The following PLA2G12A variants were observed in gnomAD, a reference collection of about 807,000 sequenced individuals.
PLA2G12A encodes phospholipase A2 group XIIA, also known as group XIIA secretory phospholipase A2.
A neutral mutation model predicts 16.0 loss-of-function variants in PLA2G12A; 11 were observed. The observed-to-expected ratio is 0.69, with a 90% CI of 0.43 to 1.13. The LOEUF is 1.13. PLA2G12A is among the 50% of genes most tolerant of loss of function. The pLI, the probability that PLA2G12A is intolerant of heterozygous loss-of-function variation, is 0.00. For missense variants in PLA2G12A, 214 were observed against 237.3 expected, an observed-to-expected ratio of 0.90 and a Z score of 0.65; for synonymous variants, 77 against 93.8, an observed-to-expected ratio of 0.82 and a Z score of 1.03.
chr4:109,714,957 T>TTTTA (rs143963959), intron 3 of PLA2G12A, among the ~76,000 whole-genome samples: 2 of 150,798 alleles, frequency 1.3e-5, no homozygotes, highest in East Asian at 3.9e-4. Context: ...ACCCAGCTAT[T>TTTTA]TTTGTTTGTT....
At chr4:109,716,324 C>T (rs749813544) in intron 3 of PLA2G12A, among the ~76,000 whole-genome samples, 1 of 152,210 alleles carries the variant, frequency 6.6e-6, no homozygotes, top group African/African-American at 2.4e-5. Flanking sequence ...GCTAAATGCT[C>T]ACTTGGGGCA....
At chr4:109,722,507 C>G (rs1722817622) in intron 1 of PLA2G12A, among the ~76,000 whole-genome samples, 1 of 152,210 alleles carries the variant, frequency 6.6e-6, no homozygotes, top group Admixed American at 6.5e-5. Context: ...AGCTGCCCTG[C>G]CCCATCCATC....
chr4:109,725,418 A>T (rs1440617384), intron 1 of PLA2G12A, among the ~76,000 whole-genome samples: 1 of 152,250 alleles, frequency 6.6e-6, no homozygotes, highest in African/African-American at 2.4e-5. Flanking sequence ...AGTTTTATAA[A>T]TGGCTAAGCA....
chr4:109,720,924 T>TGTATA (rs1730929463), intron 1 of PLA2G12A, among the ~76,000 whole-genome samples: 1 of 151,752 alleles, frequency 6.6e-6, no homozygotes, highest in African/African-American at 2.4e-5. Context: ...CAAAATTAGC[T>TGTATA]GGGCAATGTG....
rs184325634 is a variant in PLA2G12A, at chr4:109,729,148, A to G, written c.208+454T>C. 4.3e-4 allele frequency among the ~76,000 whole-genome samples: 65 copies of G among 152,092 alleles called. 2 individuals are homozygous for G. The highest frequency in any genetic ancestry group is 2.2e-3 in the Admixed American group (34 of 15,270). ...CAAGTTATTGTCTATGGGTTTGCAG[A>G]AAAAAAACCATTTAATATCAATTAT... is the stretch of plus-strand genomic sequence containing the variant. On this transcript the variant is annotated intron_variant, in intron 1 of 3. Coordinates refer to ENST00000243501, the MANE Select transcript of PLA2G12A (RefSeq NM_030821.5).
chr4:109,719,494 G>A (rs915904042), intron 1 of PLA2G12A, among the ~76,000 whole-genome samples: 1 of 152,166 alleles, frequency 6.6e-6, no homozygotes, highest in Non-Finnish European at 1.5e-5. Context: ...ATGTTCCCCA[G>A]TAGCATCAAG....
At chr4:109,726,948 A>C (rs1722953245) in intron 1 of PLA2G12A, among the ~76,000 whole-genome samples, 1 of 144,346 alleles carries the variant, frequency 6.9e-6, no homozygotes, top group African/African-American at 2.8e-5. Context: ...TTTTTTTTTA[A>C]AGCTCTCTTG....
chr4:109,719,494 G>GT (rs1455400868), intron 1 of PLA2G12A, among the ~76,000 whole-genome samples: 1 of 152,166 alleles, frequency 6.6e-6, no homozygotes, highest in Non-Finnish European at 1.5e-5. Context: ...ATGTTCCCCA[G>GT]TAGCATCAAG....
intron 3 of PLA2G12A, among the ~76,000 whole-genome samples, chr4:109,716,017 A>C (rs1730822991): frequency 6.6e-6 from 1 of 152,242 alleles, no homozygotes; most frequent in Non-Finnish European, 1.5e-5. Context: ...TGCCATTAAG[A>C]AACAACCAAC....
chr4:109,717,040 C>T (rs1179004843), intron 3 of PLA2G12A, among the ~76,000 whole-genome samples: 2 of 152,158 alleles, frequency 1.3e-5, no homozygotes, highest in African/African-American at 2.4e-5. Context: ...TAGTCCTCTC[C>T]ACTAAGTGAA....
At chr4:109,718,567 T>G in intron 2 of PLA2G12A, 116 bp downstream of exon 2, 1 of 781,560 alleles carries the variant, frequency 1.3e-6, no homozygotes, top group Non-Finnish European at 2.1e-6. Flanking sequence ...ACCTGATCAC[T>G]CTTACACCCA....
chr4:109,718,742 G>A lies in PLA2G12A; in HGVS notation c.226C>T (p.Arg76Cys), dbSNP rs1352020739. 1.2e-5 allele frequency: 19 copies of A among 1,596,216 alleles called. No homozygotes were observed. The highest frequency in any genetic ancestry group is 1.7e-4 in the Middle Eastern group (1 of 5,850). Reference protein sequence around the residue: ...KCSDGSKPFPRYGYKPSPPNG... With the variant: ...KCSDGSKPFPCYGYKPSPPNG... ...GGTGGGGAGGGTTTATAACCATAAC[G>A]TGGGAAAGGCTTAGATCCTATAAAA... Residue 76 changes from arginine (R) to cysteine (C), a missense_variant, in exon 2 of 4, where the codon CGT becomes TGT. Coordinates refer to ENST00000243501, the MANE Select transcript of PLA2G12A (RefSeq NM_030821.5).
chr4:109,717,285 G>A lies in PLA2G12A; in HGVS notation c.451+263C>T, dbSNP rs148962662. Among the ~76,000 whole-genome samples, 166 of 152,212 alleles carry A rather than the reference G, an allele frequency of 1.1e-3. 1 individual carries two copies. Among genetic ancestry groups the A allele is most frequent in the African/African-American group, 3.6e-3 (151 of 41,522 alleles). On this transcript the variant is annotated intron_variant, in intron 3 of 3. Transcript: ENST00000243501. ...ACATGATGACTGGAGATATATTTTAGGGCACAAGGTAGATGAATTCTTCTC... is the reference window on the plus strand; with the variant it reads ...ACATGATGACTGGAGATATATTTTAAGGCACAAGGTAGATGAATTCTTCTC...
At position 109,710,282 on chromosome 4, in the gene PLA2G12A, T is replaced by G. The variant is rs1397815130; in HGVS notation, c.*4095A>C. ...AAAGTTACTGAAGTCAGTCAACTAT[T>G]AATAACAGAATTGTTTTTATAGAAA... is the stretch of plus-strand genomic sequence containing the variant. On this transcript the variant is annotated 3_prime_UTR_variant, in exon 4 of 4. Transcript: ENST00000243501. 1 of 152,368 alleles carries G rather than the reference T, an allele frequency of 6.6e-6. No individual in the cohort carries two copies. The highest frequency in any genetic ancestry group is 3.4e-3 in the Middle Eastern group (1 of 294). The allele number at this position is 152,368 out of a possible 1,614,324, so 9.4% of individuals were successfully genotyped here.
Position 109,717,582 on chromosome 4 carries a change from T to C in PLA2G12A, c.417A>G (p.Val139=), listed in dbSNP as rs200065278. The change falls in exon 3 of 4, where the codon GTA becomes GTG. Residue 139 remains valine (V), a synonymous_variant. Transcript: ENST00000243501. Reference sequence around the variant, plus strand: ...GCTGAGTTAGTCCTAGTGTTTTCTGTACATCTCGGCAGATCTTGGAGAGGC... The same window carrying C: ...GCTGAGTTAGTCCTAGTGTTTTCTGCACATCTCGGCAGATCTTGGAGAGGC... ...QYCLSKICRD[V]QKTLGLTQHV... is the part of the protein sequence containing the mutation. The C allele has an allele frequency of 6.2e-7, 1 of 1,613,972 alleles. No individual in the cohort carries two copies. Among genetic ancestry groups the C allele is most frequent in the Non-Finnish European group, 8.5e-7 (1 of 1,179,834 alleles).
chr4:109,717,573 T>C lies in PLA2G12A; in HGVS notation c.426A>G (p.Thr142=), dbSNP rs757481351. The part of the protein sequence containing the change: ...LSKICRDVQK[T]LGLTQHVQAC... ...CCTGAACATGCTGAGTTAGTCCTAG[T>C]GTTTTCTGTACATCTCGGCAGATCT... The change falls in exon 3 of 4, where the codon ACA becomes ACG. Residue 142 remains threonine, a synonymous_variant. Coordinates refer to ENST00000243501, the MANE Select transcript of PLA2G12A (RefSeq NM_030821.5). The C allele has an allele frequency of 6.2e-7, 1 of 1,613,928 alleles. No individual in the cohort carries two copies. Among genetic ancestry groups the C allele is most frequent in the Non-Finnish European group, 8.5e-7 (1 of 1,179,808 alleles).
At chr4:109,717,093 C>T (rs921648500) in intron 3 of PLA2G12A, among the ~76,000 whole-genome samples, 1 of 152,160 alleles carries the variant, frequency 6.6e-6, no homozygotes, top group Non-Finnish European at 1.5e-5. Context: ...AAAATGAGTC[C>T]TTATCAGACA....
In PLA2G12A at chr4:109,717,585, A is replaced by C. The variant is rs746251857; in HGVS notation, c.414T>G (p.Asp138Glu). The C allele has an allele frequency of 2.5e-6, 4 of 1,613,950 alleles. No homozygotes were observed. Among genetic ancestry groups the C allele is most frequent in the Non-Finnish European group, 3.4e-6 (4 of 1,179,844 alleles). ...FQYCLSKICR[D>E]VQKTLGLTQH... ...GAGTTAGTCCTAGTGTTTTCTGTAC[A>C]TCTCGGCAGATCTTGGAGAGGCAAT... Residue 138 changes from aspartate (D) to glutamate (E), a missense_variant, in exon 3 of 4, where the codon GAT becomes GAG. Physicochemically the swap from Asp to Glu is conservative, Grantham distance 45. Transcript: ENST00000243501.
intron 1 of PLA2G12A, among the ~76,000 whole-genome samples, chr4:109,723,212 T>TAAA (rs11385396): frequency 0.01 from 1,507 of 149,466 alleles, 16 homozygotes; most frequent in South Asian, 0.018. Context: ...TAGACAGTAG[T>TAAA]AAAAAAAAAA....
Sources: allele counts gnomAD v4.1 joint callset (sites outside exome capture counted in the v4.1 genomes callset), GRCh38; gene constraint gnomAD v4.1.1; transcripts MANE v1.5; gene names NCBI Gene and HGNC (gene_info 2026-07-23, HGNC 2026-07-21).